Variants in KLHL13 observed in about 807,000 individuals in gnomAD.
KLHL13 encodes the protein kelch like family member 13.
A neutral mutation model predicts 37.1 loss-of-function variants in KLHL13; 10 were observed. The ratio of observed to expected loss-of-function variants is 0.27; its 90% CI spans 0.17 to 0.46. KLHL13 has a LOEUF of 0.46. KLHL13 is among the 20% of genes least tolerant of loss of function. KLHL13 has a pLI of 1.00. For missense variants in KLHL13, 360 were observed against 509.3 expected (o/e 0.71, Z 2.82); for synonymous variants, 163 against 181.2 (o/e 0.90, Z 0.81).
intron 1 of KLHL13, among the ~76,000 whole-genome samples, chrX:118,070,898 C>A (rs2054853790): frequency 9.3e-6 from 1 of 108,046 alleles, no homozygotes; most frequent in Non-Finnish European, 1.9e-5. Context: ...CAATGCTATC[C>A]CTCCCCCCTT....
chrX:117,967,579 G>A (rs6645429), intron 1 of KLHL13, among the ~76,000 whole-genome samples: 2 of 111,415 alleles, frequency 1.8e-5, no homozygotes, highest in East Asian at 2.8e-4. Flanking sequence ...TGGGGGAAGC[G>A]ATTACTTGGA....
intron 2 of KLHL13, among the ~76,000 whole-genome samples, chrX:117,944,993 T>C (rs1220536468): frequency 8.9e-6 from 1 of 111,984 alleles, no homozygotes; most frequent in Admixed American, 9.4e-5. Context: ...TTAGAACCAT[T>C]ACAAAGATGA....
chrX:117,971,701 T>G (rs181456249), intron 1 of KLHL13, among the ~76,000 whole-genome samples: 128 of 111,187 alleles, frequency 1.2e-3, no homozygotes, highest in African/African-American at 3.7e-3. Context: ...TGAAAGGGTT[T>G]CAAAGAAAGA....
chrX:118,053,063 T>G lies in KLHL13; in HGVS notation c.-56+63445A>C, dbSNP rs149555333. On this transcript the variant is annotated intron_variant, in intron 1 of 6. Coordinates refer to the KLHL13 transcript ENST00000371882. Reference sequence around the variant, plus strand: ...CCAGGAGATGTGCAACATAGGCAAATGTTTAATATTCATTATACATAAAAT... The same window carrying G: ...CCAGGAGATGTGCAACATAGGCAAAGGTTTAATATTCATTATACATAAAAT... Among the ~76,000 whole-genome samples, 166 of 111,642 alleles carry G rather than the reference T, an allele frequency of 1.5e-3. 2 individuals carry two copies. The highest frequency in any genetic ancestry group is 5.2e-3 in the African/African-American group (161 of 30,704).
At chrX:118,039,216 CA>C (rs1417526011) in intron 1 of KLHL13, among the ~76,000 whole-genome samples, 23 of 112,147 alleles carry the variant, frequency 2.1e-4, no homozygotes, top group African/African-American at 7.5e-4. Context: ...ACATGTGACC[CA>C]GAACATTCCT....
At chrX:118,055,865 A>G (rs1253843639) in intron 1 of KLHL13, among the ~76,000 whole-genome samples, 1 of 112,150 alleles carries the variant, frequency 8.9e-6, no homozygotes, top group East Asian at 2.8e-4. Context: ...CAAAACAAGG[A>G]TGTCTGCTCT....
chrX:118,030,424 T>G (rs1289661387), intron 1 of KLHL13, among the ~76,000 whole-genome samples: 1 of 112,178 alleles, frequency 8.9e-6, no homozygotes, highest in African/African-American at 3.2e-5. Flanking sequence ...CTACTAGAAA[T>G]CTGATAATGT....
intron 1 of KLHL13, among the ~76,000 whole-genome samples, chrX:118,000,456 TA>T (rs11288444): frequency 0.054 from 6,014 of 112,092 alleles, 399 homozygotes; most frequent in African/African-American, 0.18. Flanking sequence ...GGAAAATTAT[TA>T]TTGGCTAGGG....
intron 1 of KLHL13, among the ~76,000 whole-genome samples, chrX:118,029,798 G>GTT: frequency 9.1e-6 from 1 of 109,916 alleles, no homozygotes; most frequent in African/African-American, 3.3e-5. Flanking sequence ...ACAACACCCC[G>GTT]TCTCTATAAA....
At chrX:118,114,775 A>G (rs1380013175) in intron 1 of KLHL13, among the ~76,000 whole-genome samples, 1 of 112,638 alleles carries the variant, frequency 8.9e-6, no homozygotes, top group Non-Finnish European at 1.9e-5. Flanking sequence ...TGTGAAAACT[A>G]CTTTCTTCAG....
At chrX:118,009,062 C>G (rs1341851496) in intron 1 of KLHL13, among the ~76,000 whole-genome samples, 1 of 110,801 alleles carries the variant, frequency 9.0e-6, no homozygotes, top group Non-Finnish European at 1.9e-5. Context: ...TGAGAAGTGT[C>G]TGTTCATGTC....
chrX:117,940,661 C>A lies in KLHL13; in HGVS notation c.240+4773G>T, dbSNP rs192044206. Reference sequence around the variant, plus strand: ...TTCTCCTTGAAGAGGTCCTTCACATCGCTTGTAAGTTGGATTCCTAGGTAT... The same window carrying A: ...TTCTCCTTGAAGAGGTCCTTCACATAGCTTGTAAGTTGGATTCCTAGGTAT... On this transcript the variant is annotated intron_variant, in intron 2 of 6. Coordinates refer to ENST00000262820, the Ensembl canonical transcript of KLHL13. 4.5e-5 allele frequency among the ~76,000 whole-genome samples: 5 copies of A among 111,423 alleles called. No individual in the cohort carries two copies. The South Asian group carries it at 1.9e-3, about 42-fold the overall frequency.
rs1057284997 is a variant in KLHL13, at chrX:117,969,843, T to C, written c.98+2888A>G. 3.6e-5 allele frequency among the ~76,000 whole-genome samples: 4 copies of C among 112,032 alleles called. No individual in the cohort carries two copies. The Admixed American group carries it at 3.8e-4, about 11-fold the overall frequency. Reference sequence around the variant, plus strand: ...TTTCTACTAATATTGCCACAAATACTATAGTCTTCATCATAAAGAAAACTT... The same window carrying C: ...TTTCTACTAATATTGCCACAAATACCATAGTCTTCATCATAAAGAAAACTT... On this transcript the variant is annotated intron_variant, in intron 1 of 6. Transcript: ENST00000262820.
At chrX:118,011,100 A>G (rs2147989900) in intron 1 of KLHL13, among the ~76,000 whole-genome samples, 1 of 108,885 alleles carries the variant, frequency 9.2e-6, no homozygotes, top group South Asian at 4.0e-4. Context: ...AAATAAATAA[A>G]TAAGAAAAGG....
intron 2 of KLHL13, among the ~76,000 whole-genome samples, chrX:117,921,126 C>T (rs753993959): frequency 8.5e-4 from 95 of 111,868 alleles, no homozygotes; most frequent in Middle Eastern, 9.1e-3. Flanking sequence ...TTTCACTACA[C>T]CCTGATGGTC....
intron 1 of KLHL13, among the ~76,000 whole-genome samples, chrX:118,015,134 C>A (rs1230529510): frequency 9.0e-6 from 1 of 111,283 alleles, no homozygotes; most frequent in African/African-American, 3.3e-5. Context: ...TTTCACACAG[C>A]TAGTAAGTAG....
At chrX:118,049,331 CAT>C (rs2054591341) in intron 1 of KLHL13, among the ~76,000 whole-genome samples, 1 of 112,034 alleles carries the variant, frequency 8.9e-6, no homozygotes, top group East Asian at 2.8e-4. Flanking sequence ...AAAAACTGCA[CAT>C]AATTGCACTC....
intron 2 of KLHL13, among the ~76,000 whole-genome samples, chrX:117,929,822 G>A (rs1018617841): frequency 4.9e-5 from 5 of 102,133 alleles, no homozygotes; most frequent in Admixed American, 2.2e-4. Flanking sequence ...TAAATTAGTC[G>A]AGTGTGGTGG....
At chrX:117,904,910 A>G (rs958277897) in intron 5 of KLHL13, among the ~76,000 whole-genome samples, 1 of 111,850 alleles carries the variant, frequency 8.9e-6, no homozygotes, top group African/African-American at 3.2e-5. Flanking sequence ...CAATTTAAGA[A>G]TTATACTTAG....
Sources: allele counts gnomAD v4.1 joint callset (sites outside exome capture counted in the v4.1 genomes callset), GRCh38; gene constraint gnomAD v4.1.1; transcripts MANE v1.5; gene names NCBI Gene and HGNC (gene_info 2026-07-23, HGNC 2026-07-21).